CYB561: variants seen among roughly 807,000 people sequenced by gnomAD.
The protein encoded by CYB561 is cytochrome b561.
A neutral mutation model predicts 25.3 loss-of-function variants in CYB561; 11 were observed. That is an observed-to-expected ratio of 0.44 (90% CI 0.27 to 0.72). CYB561 has a LOEUF of 0.72. Ranked by LOEUF, CYB561 falls within the 30% of genes least tolerant of loss-of-function variation. The probability of loss-of-function intolerance (pLI) is 0.18; values close to 1 mark genes in which losing one functional copy is unlikely to be tolerated. For missense variants in CYB561, 295 were observed against 334.9 expected (o/e 0.88, Z 0.93); for synonymous variants, 165 against 158.8 (o/e 1.04, Z -0.29).
intron 1 of CYB561, chr17:63,438,206 C>G (rs1317882716): frequency 7.8e-6 from 12 of 1,535,534 alleles, no homozygotes; most frequent in Admixed American, 2.0e-5. Context: ...GGGCCCAGTG[C>G]CCGGCTTTGT....
Position 63,446,229 on chromosome 17 carries a change from C to G in CYB561, c.-14+16G>C, listed in dbSNP as rs2049422607. ...CCCCTGCGCGCTCCGCTCCCACCCC[C>G]AGCCCGGCCTCCTACCTTGCCTACC... On this transcript the variant is annotated intron_variant, in intron 1 of 5. Coordinates refer to ENST00000360793, the MANE Select transcript of CYB561 (RefSeq NM_001915.4). The G allele has an allele frequency of 6.6e-6, 1 of 152,066 alleles. No homozygotes were observed. Among genetic ancestry groups the G allele is most frequent in the Admixed American group, 6.6e-5 (1 of 15,260 alleles). The allele number at this position is 152,066 out of a possible 1,614,324, so 9.4% of individuals were successfully genotyped here. A position where few individuals can be genotyped will look rare whatever the true frequency, so the allele number is the denominator to read the frequency against.
rs1164721210 is a variant in CYB561, at chr17:63,433,466, G to GCAGCAGCTC, written c.*927_*935dup. 1 of 398,928 alleles carries GCAGCAGCTC rather than the reference G, an allele frequency of 2.5e-6. No individual in the cohort carries two copies. The highest frequency in any genetic ancestry group is 4.4e-5 in the Admixed American group (1 of 22,732). 24.7% of individuals were successfully genotyped at this position (398,928 alleles called of 1,614,324 possible). On this transcript the variant is annotated 3_prime_UTR_variant, in exon 6 of 6. Transcript: ENST00000360793. ...AGAAGGCTCGTCCTCCAGAACAGAG[G>GCAGCAGCTC]CAGCAGCTCCAGCAGCCCCAGGGGG...
rs370862979 is a variant in CYB561, at chr17:63,435,382, A to G, written c.406-139T>C. On this transcript the variant is annotated intron_variant, in intron 4 of 5. Transcript: ENST00000360793. ...GCCTGGTTTCCTTCCTCCTCAGCAC[A>G]GTGGTGGGAGGAGCACTAAGCGCTT... 44 of 903,640 alleles carry G rather than the reference A, an allele frequency of 4.9e-5. No homozygotes were observed. In the African/African-American group the frequency reaches 5.7e-4, roughly 12 times the overall value. The allele number at this position is 903,640 out of a possible 1,614,324, so 56.0% of individuals were successfully genotyped here.
At chr17:63,440,319 C>T (rs2049362083) in intron 1 of CYB561, 1 of 398,630 alleles carries the variant, frequency 2.5e-6, no homozygotes, top group African/African-American at 2.1e-5. Flanking sequence ...CAGGTGACAC[C>T]TCAGCTCCTC....
chr17:63,435,152 G>A lies in CYB561; in HGVS notation c.497C>T (p.Thr166Ile). 1 of 1,614,256 alleles carries A rather than the reference G, an allele frequency of 6.2e-7. No individual in the cohort carries two copies. The highest frequency in any genetic ancestry group is 8.5e-7 in the Non-Finnish European group (1 of 1,180,052). Residue 166 changes from threonine (T) to isoleucine (I), a missense_variant, in exon 5 of 6, where the codon ACC becomes ATC. Physicochemically the swap from Thr to Ile is moderately conservative, Grantham distance 89. Coordinates refer to ENST00000360793, the MANE Select transcript of CYB561 (RefSeq NM_001915.4). The stretch of plus-strand genomic sequence containing the variant: ...GGTGCCCACGGAAAGGAGGAAGATG[G>A]TAGCACCAAAGAAGATGTGCTGTGG... ...YRPQHIFFGA[T>I]IFLLSVGTAL... is the part of the protein sequence containing the mutation.
chr17:63,440,497 G>A (rs968982244), intron 1 of CYB561, among the ~76,000 whole-genome samples: 9 of 152,150 alleles, frequency 5.9e-5, no homozygotes, highest in African/African-American at 2.2e-4. Flanking sequence ...CCCTGCGTAA[G>A]TGCCCCCGAG....
In CYB561 at chr17:63,442,516, G is replaced by A. The variant is rs572658827; in HGVS notation, c.-14+3729C>T. ...CCTCACTGGGCAGCCCTGGGACACCGGCTGTTCTTGGGCCCTCTGTGTTCT... is the reference window on the plus strand; with the variant it reads ...CCTCACTGGGCAGCCCTGGGACACCAGCTGTTCTTGGGCCCTCTGTGTTCT... On this transcript the variant is annotated intron_variant, in intron 1 of 5. Transcript: ENST00000360793. Among the ~76,000 whole-genome samples the A allele has an allele frequency of 4.3e-4, 66 of 152,242 alleles. 1 individual carries two copies. The highest frequency in any genetic ancestry group is 1.0e-3 in the South Asian group (5 of 4,824).
At chr17:63,435,650 G>C (rs758540071) in intron 4 of CYB561, 38 bp downstream of exon 4, 1 of 1,539,192 alleles carries the variant, frequency 6.5e-7, no homozygotes, top group Non-Finnish European at 9.0e-7. Context: ...CACCTCCCTG[G>C]TAGGTGGCCC....
chr17:63,441,708 T>C (rs1354338586), intron 1 of CYB561, among the ~76,000 whole-genome samples: 1 of 152,214 alleles, frequency 6.6e-6, no homozygotes, highest in East Asian at 1.9e-4. Flanking sequence ...GCTTTGGCCT[T>C]TCCAAGGCCC....
chr17:63,442,597 C>T (rs753816637), intron 1 of CYB561, among the ~76,000 whole-genome samples: 1 of 152,266 alleles, frequency 6.6e-6, no homozygotes, highest in East Asian at 1.9e-4. Context: ...CTCCCCACCC[C>T]CAAGGGCTCC....
chr17:63,441,894 G>A (rs1599122360), intron 1 of CYB561, among the ~76,000 whole-genome samples: 1 of 152,236 alleles, frequency 6.6e-6, no homozygotes, highest in Admixed American at 6.5e-5. Context: ...CTAAGCACTG[G>A]TGCGTGCAAG....
At chr17:63,435,336 GAC>G in intron 4 of CYB561, 93 bp from the exon 5 acceptor site, 1 of 1,379,360 alleles carries the variant, frequency 7.2e-7, no homozygotes, top group Non-Finnish European at 1.0e-6. Flanking sequence ...CCCACGTGGC[GAC>G]TGTGAGCCCC....
chr17:63,434,727 A>G (rs1291457558), intron 5 of CYB561, 133 bp from the exon 6 acceptor site: 2 of 758,648 alleles, frequency 2.6e-6, no homozygotes, highest in Non-Finnish European at 4.1e-6. Context: ...GCCTGAAGAG[A>G]ACAACCATCC....
intron 1 of CYB561, 182 bp from the exon 2 acceptor site, chr17:63,437,742 C>A: frequency 6.6e-6 from 3 of 453,002 alleles, no homozygotes; most frequent in East Asian, 4.0e-5. Flanking sequence ...CAGCCCCCCC[C>A]GAAATGCGCA....
chr17:63,445,808 G>A (rs991338228), intron 1 of CYB561: 4 of 152,338 alleles, frequency 2.6e-5, no homozygotes, highest in African/African-American at 4.8e-5. Context: ...TTGCAGCCCG[G>A]GCCCTGCTCG....
At chr17:63,435,285 A>T (rs1201650885) in intron 4 of CYB561, 42 bp from the exon 5 acceptor site, 1 of 1,599,394 alleles carries the variant, frequency 6.3e-7, no homozygotes, top group Admixed American at 1.7e-5. Context: ...GGGCGGCCGG[A>T]CACCCCAGCA....
intron 4 of CYB561, chr17:63,435,457 A>C: frequency 1.5e-6 from 1 of 682,892 alleles, no homozygotes; most frequent in Non-Finnish European, 2.4e-6. Flanking sequence ...CACACTCAGA[A>C]AGCTGGGCTT....
At chr17:63,438,471 C>G (rs904900223) in intron 1 of CYB561, among the ~76,000 whole-genome samples, 9 of 151,148 alleles carry the variant, frequency 6.0e-5, no homozygotes, top group Non-Finnish European at 7.4e-5. Flanking sequence ...GCCCGCCCCC[C>G]ACCCCGCTCC....
chr17:63,444,834 C>T (rs773862823), intron 1 of CYB561, among the ~76,000 whole-genome samples: 5 of 152,220 alleles, frequency 3.3e-5, no homozygotes, highest in Non-Finnish European at 7.3e-5. Flanking sequence ...CCAGTATTAG[C>T]AGGAGCCCAA....
Sources: allele counts gnomAD v4.1 joint callset (sites outside exome capture counted in the v4.1 genomes callset), GRCh38; gene constraint gnomAD v4.1.1; transcripts MANE v1.5; gene names NCBI Gene and HGNC (gene_info 2026-07-23, HGNC 2026-07-21).